Variants in CAMTA1 observed in about 807,000 individuals in gnomAD.
The protein encoded by CAMTA1 is calmodulin-binding transcription activator 1.
A neutral mutation model predicts 170.9 loss-of-function variants in CAMTA1; 27 were observed. The observed-to-expected ratio is 0.16, with a 90% CI of 0.12 to 0.22. CAMTA1 has a LOEUF of 0.22. Among genes scored for constraint, CAMTA1 ranks in the 10% least tolerant of loss-of-function variants. The probability of loss-of-function intolerance (pLI) is 1.00; values close to 1 mark genes in which losing one functional copy is unlikely to be tolerated. For synonymous variants in CAMTA1, 833 were observed against 891.5 expected (o/e 0.93, Z 1.17); for missense variants, 1,619 against 2,217.2 (o/e 0.73, Z 5.42).
At chr1:7,153,493 G>T (rs375592287) in intron 4 of CAMTA1, among the ~76,000 whole-genome samples, 10 of 152,102 alleles carry the variant, frequency 6.6e-5, no homozygotes, top group African/African-American at 2.4e-4. Context: ...GCCTCCCTGC[G>T]TACCTGCACT....
intron 6 of CAMTA1, among the ~76,000 whole-genome samples, chr1:7,493,531 A>G (rs2149720074): frequency 6.6e-6 from 1 of 152,320 alleles, no homozygotes; most frequent in East Asian, 1.9e-4. Context: ...GGGCACACAT[A>G]AGAAAGTGCC....
chr1:6,954,178 T>C (rs1300543187), intron 3 of CAMTA1, among the ~76,000 whole-genome samples: 1 of 152,222 alleles, frequency 6.6e-6, no homozygotes, highest in Non-Finnish European at 1.5e-5. Flanking sequence ...TCCCACATCA[T>C]GGCTTTCTAA....
rs191500209 is a variant in CAMTA1, at chr1:7,099,302, C to T, written c.302+7931C>T. 1.2e-3 allele frequency among the ~76,000 whole-genome samples: 185 copies of T among 152,276 alleles called. 3 individuals are homozygous for T. The East Asian group carries it at 0.017, about 14-fold the overall frequency. ...ATGGCCTCAAGTGATCTGCCCGCCT[C>T]GGCCTCCCAAAGTGCTGGGATTACA... On this transcript the variant is annotated intron_variant, in intron 4 of 22. Transcript: ENST00000303635.
chr1:6,835,071 C>CTA (rs933532484), intron 3 of CAMTA1, among the ~76,000 whole-genome samples: 8 of 152,328 alleles, frequency 5.3e-5, no homozygotes, highest in South Asian at 4.1e-4. Context: ...TTGGCAGCAT[C>CTA]TGTTCAGGGG....
intron 1 of CAMTA1, among the ~76,000 whole-genome samples, chr1:6,796,132 CTTTTTTTTTTTTTTTTT>C (rs978363793): frequency 1.4e-5 from 1 of 70,948 alleles, no homozygotes; most frequent in African/African-American, 5.9e-5. Context: ...AATAGCATTT[CTTTTTTTTTTTTTTTTT>C]TTTTTTTTTG....
chr1:7,502,788 G>T (rs1389983581), intron 6 of CAMTA1, among the ~76,000 whole-genome samples: 1 of 152,226 alleles, frequency 6.6e-6, no homozygotes, highest in Non-Finnish European at 1.5e-5. Flanking sequence ...GCTGGGCTTA[G>T]TGGGGGATGT....
At chr1:7,327,113 G>T (rs1039222037) in intron 5 of CAMTA1, among the ~76,000 whole-genome samples, 11 of 152,208 alleles carry the variant, frequency 7.2e-5, no homozygotes, top group African/African-American at 2.6e-4. Flanking sequence ...TGTTGGAGTT[G>T]ATTTAAAAGA....
At chr1:7,284,025 G>A (rs564878358) in intron 5 of CAMTA1, among the ~76,000 whole-genome samples, 1 of 152,234 alleles carries the variant, frequency 6.6e-6, no homozygotes, top group East Asian at 1.9e-4. Flanking sequence ...GCTTGCCCCT[G>A]TGCTCCCGTT....
At chr1:7,399,990 T>C (rs1332858808) in intron 5 of CAMTA1, among the ~76,000 whole-genome samples, 1 of 152,256 alleles carries the variant, frequency 6.6e-6, no homozygotes, top group Non-Finnish European at 1.5e-5. Context: ...TCTTTTGAGC[T>C]TCATGGATCT....
At chr1:6,893,757 A>G (rs1332281882) in intron 3 of CAMTA1, among the ~76,000 whole-genome samples, 15 of 152,176 alleles carry the variant, frequency 9.9e-5, no homozygotes, top group Non-Finnish European at 1.8e-4. Context: ...ACCGTTCTGT[A>G]TTCCGTTTGT....
intron 5 of CAMTA1, among the ~76,000 whole-genome samples, chr1:7,317,006 G>A (rs1436882506): frequency 6.6e-6 from 1 of 152,234 alleles, no homozygotes; most frequent in African/African-American, 2.4e-5. Context: ...TGCCAGGGGT[G>A]AGGAGGTGGT....
At chr1:6,886,324 T>C (rs1391310493) in intron 3 of CAMTA1, 1 of 447,106 alleles carries the variant, frequency 2.2e-6, no homozygotes, top group African/African-American at 2.0e-5. Flanking sequence ...CCAGAGGAAC[T>C]CGTATTTTAT....
chr1:6,824,491 T>A (rs971504045), intron 2 of CAMTA1, among the ~76,000 whole-genome samples: 1 of 152,194 alleles, frequency 6.6e-6, no homozygotes, highest in African/African-American at 2.4e-5. Context: ...GATATGTATA[T>A]GTAAATCAAG....
At chr1:7,518,476 C>A (rs772465276) in intron 6 of CAMTA1, among the ~76,000 whole-genome samples, 13 of 151,948 alleles carry the variant, frequency 8.6e-5, no homozygotes, top group Non-Finnish European at 1.5e-4. Context: ...GATTGCAGAG[C>A]CCCTGAAGTC....
chr1:7,252,198 T>C (rs6701870), intron 5 of CAMTA1, among the ~76,000 whole-genome samples: 11,815 of 152,280 alleles, frequency 0.078, 1,301 homozygotes, highest in African/African-American at 0.23. Flanking sequence ...CACTGCCTTA[T>C]GGCTGCATAA....
intron 4 of CAMTA1, among the ~76,000 whole-genome samples, chr1:7,210,044 A>G (rs546697232): frequency 2.2e-4 from 34 of 152,340 alleles, no homozygotes; most frequent in Non-Finnish European, 4.1e-4. Flanking sequence ...GAGAACTAGG[A>G]CATCCTCTTG....
intron 3 of CAMTA1, among the ~76,000 whole-genome samples, chr1:6,916,523 C>G (rs988165945): frequency 3.3e-5 from 5 of 152,220 alleles, no homozygotes; most frequent in Admixed American, 6.5e-5. Flanking sequence ...CTCTCTCCTT[C>G]TTTAAACTTT....
intron 3 of CAMTA1, among the ~76,000 whole-genome samples, chr1:7,061,230 G>A (rs1419753512): frequency 1.3e-5 from 2 of 152,248 alleles, no homozygotes; most frequent in Non-Finnish European, 2.9e-5. Context: ...CGCCAGGGGC[G>A]ATGCCAGGCA....
chr1:7,761,994 A>C (rs1189477572), intron 22 of CAMTA1, among the ~76,000 whole-genome samples: 2 of 152,158 alleles, frequency 1.3e-5, no homozygotes, highest in Middle Eastern at 3.4e-3. Flanking sequence ...CTAGACAAAA[A>C]AATTTTAAAA....
Sources: gnomAD v4.1 joint callset for allele counts (sites outside exome capture counted in the v4.1 genomes callset) on GRCh38, gnomAD v4.1.1 for gene constraint, MANE v1.5 for transcripts, NCBI Gene and HGNC (gene_info 2026-07-23, HGNC 2026-07-21) for gene names.